Variants in MYO5B observed in about 807,000 individuals in gnomAD.
MYO5B encodes unconventional myosin-Vb.
A neutral mutation model predicts 229.3 loss-of-function variants in MYO5B; 143 were observed. That is an observed-to-expected ratio of 0.62 (90% CI 0.54 to 0.72). The LOEUF is 0.72. Ranked by LOEUF, MYO5B falls within the 30% of genes least tolerant of loss-of-function variation. The probability of loss-of-function intolerance (pLI) is 0.00; values close to 1 mark genes in which losing one functional copy is unlikely to be tolerated. For missense variants in MYO5B, 2,321 were observed against 2,331.0 expected (o/e 1.00, Z 0.09); for synonymous variants, 918 against 885.2 (o/e 1.04, Z -0.66).
rs182546257 is a variant in MYO5B, at chr18:50,169,425, G to C, written c.27+25342C>G. 1.0e-3 allele frequency among the ~76,000 whole-genome samples: 133 copies of C among 127,712 alleles called. 34 individuals are homozygous for C. The highest frequency in any genetic ancestry group is 2.4e-3 in the Admixed American group (29 of 11,940). 83.8% of individuals were successfully genotyped at this position (127,712 alleles called of 152,430 possible). On this transcript the variant is annotated intron_variant, in intron 1 of 39. Coordinates refer to ENST00000285039, the MANE Select transcript of MYO5B (RefSeq NM_001080467.3). ...CTGGCATACACCATCTTAAGCAAGT[G>C]ATCAAAGTTACCACCACCAGTAACA...
chr18:49,943,764 T>A (rs2025341737), intron 14 of MYO5B, among the ~76,000 whole-genome samples: 1 of 152,206 alleles, frequency 6.6e-6, no homozygotes, highest in African/African-American at 2.4e-5. Flanking sequence ...GGAAGGTGAA[T>A]GCTAATGAAA....
chr18:49,932,232 T>C (rs2025201062), intron 16 of MYO5B, among the ~76,000 whole-genome samples: 1 of 152,210 alleles, frequency 6.6e-6, no homozygotes, highest in South Asian at 2.1e-4. Flanking sequence ...AGTTCGGTCC[T>C]GTTGAAGGGC....
intron 1 of MYO5B, among the ~76,000 whole-genome samples, chr18:50,124,641 G>C (rs961940562): frequency 6.6e-6 from 1 of 152,154 alleles, no homozygotes; most frequent in Non-Finnish European, 1.5e-5. Flanking sequence ...TAGAATCCCT[G>C]TGCAAATCCC....
intron 1 of MYO5B, among the ~76,000 whole-genome samples, chr18:50,099,867 G>A (rs2031622839): frequency 6.6e-6 from 1 of 152,186 alleles, no homozygotes; most frequent in Non-Finnish European, 1.5e-5. Flanking sequence ...CACCAAAAGG[G>A]CTAAATATAG....
At chr18:50,105,817 G>C (rs72917884) in intron 1 of MYO5B, among the ~76,000 whole-genome samples, 29,200 of 151,850 alleles carry the variant, frequency 0.19, 3,602 homozygotes, top group African/African-American at 0.35. Context: ...AAAGACAAAA[G>C]CATGAAGTCA....
intron 7 of MYO5B, among the ~76,000 whole-genome samples, chr18:49,988,614 C>A (rs939534489): frequency 6.6e-6 from 1 of 152,064 alleles, no homozygotes; most frequent in African/African-American, 2.4e-5. Flanking sequence ...TGGGTCTTGC[C>A]AATATTTGTT....
intron 1 of MYO5B, among the ~76,000 whole-genome samples, chr18:50,078,130 A>G (rs2031131023): frequency 6.6e-6 from 1 of 152,194 alleles, no homozygotes; most frequent in Non-Finnish European, 1.5e-5. Flanking sequence ...GATCACATAA[A>G]GCCTATAGCA....
Position 50,158,868 on chromosome 18 carries a change from AATG to A in MYO5B, c.27+35896_27+35898del, listed in dbSNP as rs2144316058. Among the ~76,000 whole-genome samples, 3 of 152,304 alleles carry A rather than the reference AATG, an allele frequency of 2.0e-5. No homozygotes were observed. The East Asian group carries it at 5.8e-4, about 29-fold the overall frequency. On this transcript the variant is annotated intron_variant, in intron 1 of 39. Coordinates refer to ENST00000285039, the MANE Select transcript of MYO5B (RefSeq NM_001080467.3). ...GTTGAGCATCTGATGATGGGGTAAG[AATG>A]ATAATGTGTATGGATTACCATGAAG...
At chr18:49,872,270 G>A (rs192374174) in intron 26 of MYO5B, 38 bp from the exon 27 acceptor site, 20 of 1,601,172 alleles carry the variant, frequency 1.2e-5, no homozygotes, top group East Asian at 2.2e-5. Context: ...TGCAGACCTC[G>A]AGCAAGATAT....
chr18:50,013,167 G>A (rs560749002), intron 4 of MYO5B, among the ~76,000 whole-genome samples: 1 of 152,286 alleles, frequency 6.6e-6, no homozygotes, highest in African/African-American at 2.4e-5. Flanking sequence ...GGCCAGAAAA[G>A]ACCCAATAAT....
rs534475282 is a variant in MYO5B at position 49,865,603 on chromosome 18, A to G, written c.3604-1223T>C. 1.1e-4 allele frequency among the ~76,000 whole-genome samples: 16 copies of G among 152,224 alleles called. No individual in the cohort carries two copies. In the East Asian group the frequency reaches 3.1e-3, roughly 29 times the overall value. On this transcript the variant is annotated intron_variant, in intron 27 of 39. Transcript: ENST00000285039. ...CAGCCCTGGGTCCCCTCCTGGCTCA[A>G]GGTGCACACTGCACAGTCCTGGAAC... is the stretch of plus-strand genomic sequence containing the variant.
intron 1 of MYO5B, among the ~76,000 whole-genome samples, chr18:50,092,315 G>A (rs529661865): frequency 1.3e-5 from 2 of 152,150 alleles, no homozygotes; most frequent in African/African-American, 4.8e-5. Context: ...AACAGTGATG[G>A]GAGCAGCATT....
intron 38 of MYO5B, among the ~76,000 whole-genome samples, chr18:49,835,951 C>T (rs2023982159): frequency 6.6e-6 from 1 of 152,094 alleles, no homozygotes; most frequent in Admixed American, 6.5e-5. Context: ...AGGAAACTTA[C>T]TTTAAGTGAA....
intron 1 of MYO5B, among the ~76,000 whole-genome samples, chr18:50,073,109 T>G (rs112335042): frequency 3.7e-4 from 56 of 152,338 alleles, no homozygotes; most frequent in African/African-American, 1.2e-3. Flanking sequence ...TTTAGCGATC[T>G]GGATAAAAGA....
intron 1 of MYO5B, among the ~76,000 whole-genome samples, chr18:50,103,640 G>A (rs1268590333): frequency 6.6e-6 from 1 of 152,152 alleles, no homozygotes; most frequent in East Asian, 1.9e-4. Context: ...CAGCTTCTGG[G>A]AAGGCTGAGA....
At chr18:50,145,479 CAG>C (rs1269126029) in intron 1 of MYO5B, among the ~76,000 whole-genome samples, 1 of 107,522 alleles carries the variant, frequency 9.3e-6, no homozygotes, top group African/African-American at 4.0e-5. Flanking sequence ...GCCTGGGCAA[CAG>C]AGCAAGACTC....
At chr18:49,999,685 A>C (rs2026025481) in intron 5 of MYO5B, among the ~76,000 whole-genome samples, 1 of 152,214 alleles carries the variant, frequency 6.6e-6, no homozygotes, top group African/African-American at 2.4e-5. Flanking sequence ...CAGTGAGCCC[A>C]TCCTATCTTT....
intron 16 of MYO5B, among the ~76,000 whole-genome samples, chr18:49,933,685 A>G (rs2025218852): frequency 6.6e-6 from 1 of 152,210 alleles, no homozygotes; most frequent in Non-Finnish European, 1.5e-5. Flanking sequence ...TGCACAGGAC[A>G]GCACCCCTTG....
chr18:50,151,864 C>T (rs1383551350), intron 1 of MYO5B, among the ~76,000 whole-genome samples: 1 of 152,082 alleles, frequency 6.6e-6, no homozygotes, highest in African/African-American at 2.4e-5. Flanking sequence ...GGGGCAGGGT[C>T]CACCCCAAAT....
Sources: gnomAD v4.1 joint callset for allele counts (sites outside exome capture counted in the v4.1 genomes callset) on GRCh38, gnomAD v4.1.1 for gene constraint, MANE v1.5 for transcripts, NCBI Gene and HGNC (gene_info 2026-07-23, HGNC 2026-07-21) for gene names.